Variants in PCDHA2 observed in about 807,000 individuals in gnomAD.
PCDHA2 encodes the protein protocadherin alpha 2, also known as protocadherin alpha-2.
PCDHA2 carries 58 observed loss-of-function variants against 66.0 expected under a neutral mutation model. That is an observed-to-expected ratio of 0.88 (90% CI 0.71 to 1.09). The LOEUF is 1.09. PCDHA2 is among the 50% of genes least tolerant of loss of function. The probability of loss-of-function intolerance (pLI) is 0.00; values close to 1 mark genes in which losing one functional copy is unlikely to be tolerated. For missense variants in PCDHA2, 1,267 were observed against 1,242.3 expected (o/e 1.02, Z -0.30); for synonymous variants, 634 against 554.0 (o/e 1.14, Z -2.03).
Position 140,883,713 on chromosome 5 carries a change from C to G in PCDHA2, c.2388+86361C>G, listed in dbSNP as rs782438050. ...ATCTTCACGGTGTCTGCTCAGGACG[C>G]GGACGCACAGGAGAACGCGCTGGTC... On this transcript the variant is annotated intron_variant, in intron 1 of 3. Coordinates refer to ENST00000526136, the MANE Select transcript of PCDHA2 (RefSeq NM_018905.3). 2.5e-6 allele frequency: 4 copies of G among 1,613,520 alleles called. No homozygotes were observed. The East Asian group carries it at 8.9e-5, about 36-fold the overall frequency.
chr5:140,846,306 A>G (rs1444661370), intron 1 of PCDHA2, among the ~76,000 whole-genome samples: 4 of 147,710 alleles, frequency 2.7e-5, no homozygotes, highest in South Asian at 4.3e-4. Context: ...TAAGTAAACC[A>G]TTTATGTAGA....
intron 1 of PCDHA2, among the ~76,000 whole-genome samples, chr5:140,819,268 A>C (rs1554127630): frequency 1.3e-5 from 2 of 152,162 alleles, no homozygotes; most frequent in Non-Finnish European, 2.9e-5. Context: ...TATAATTTCT[A>C]TAGATAAGAG....
chr5:140,858,415 T>C lies in PCDHA2; in HGVS notation c.2388+61063T>C. Reference sequence around the variant, plus strand: ...ATGTGGACGGGGAAGATCAGTCTATTGGAGGGGACCACTCTAGGAAGGTGG... The same window carrying C: ...ATGTGGACGGGGAAGATCAGTCTATCGGAGGGGACCACTCTAGGAAGGTGG... On this transcript the variant is annotated intron_variant, in intron 1 of 3. Transcript: ENST00000526136. 1.9e-6 allele frequency: 3 copies of C among 1,561,830 alleles called. 1 individual carries two copies. The highest frequency in any genetic ancestry group is 2.6e-6 in the Non-Finnish European group (3 of 1,145,536).
chr5:140,969,508 A>C, intron 1 of PCDHA2: 2 of 1,424,370 alleles, frequency 1.4e-6, no homozygotes, highest in South Asian at 1.5e-5. Context: ...GAAAAATAGC[A>C]CTAAAGAATT....
At position 140,857,686 on chromosome 5, in the gene PCDHA2, C is replaced by A; in HGVS notation, c.2388+60334C>A. The A allele has an allele frequency of 3.8e-6, 6 of 1,597,184 alleles. 1 individual carries two copies. Among genetic ancestry groups the A allele is most frequent in the Non-Finnish European group, 5.1e-6 (6 of 1,167,762 alleles). ...ATGGGGGCGTGCCGCCTCTGGGCAG[C>A]AACTTGACGCTGCAGGTGTTCGTGC... On this transcript the variant is annotated intron_variant, in intron 1 of 3. Transcript: ENST00000526136.
intron 1 of PCDHA2, chr5:140,864,601 A>C (rs2048532983): frequency 6.6e-6 from 1 of 152,200 alleles, no homozygotes; most frequent in Non-Finnish European, 1.5e-5. Context: ...TCAGATAGCC[A>C]ACAACTTTGT....
chr5:140,876,312 G>C (rs557901977), intron 1 of PCDHA2: 1 of 1,614,036 alleles, frequency 6.2e-7, no homozygotes. Context: ...TTTCCTATGG[G>C]ATCAAAATGA....
chr5:140,987,040 C>G (rs916995346), intron 3 of PCDHA2, among the ~76,000 whole-genome samples: 1 of 151,880 alleles, frequency 6.6e-6, no homozygotes, highest in Non-Finnish European at 1.5e-5. Flanking sequence ...ATGGCGAAAC[C>G]CCATCTCTAC....
intron 1 of PCDHA2, among the ~76,000 whole-genome samples, chr5:140,886,184 G>T (rs894479887): frequency 6.6e-6 from 1 of 151,966 alleles, no homozygotes; most frequent in Admixed American, 6.6e-5. Flanking sequence ...GCCTAATGCT[G>T]GCAAGCAGTA....
At chr5:140,907,938 T>C (rs2073706734) in intron 1 of PCDHA2, among the ~76,000 whole-genome samples, 1 of 152,206 alleles carries the variant, frequency 6.6e-6, no homozygotes, top group African/African-American at 2.4e-5. Flanking sequence ...TCACATACCT[T>C]TTCCCCAAAT....
chr5:140,966,916 G>A lies in PCDHA2; in HGVS notation c.2389-12033G>A, dbSNP rs1554228883. On this transcript the variant is annotated intron_variant, in intron 1 of 3. Coordinates refer to ENST00000526136, the MANE Select transcript of PCDHA2 (RefSeq NM_018905.3). Reference sequence around the variant, plus strand: ...CCCAGCTGCGATACTCTGTGCCAGAGGAGCAGGCACCCGGCGCGCTCGTGG... The same window carrying A: ...CCCAGCTGCGATACTCTGTGCCAGAAGAGCAGGCACCCGGCGCGCTCGTGG... 13 of 1,602,486 alleles carry A rather than the reference G, an allele frequency of 8.1e-6. No individual in the cohort carries two copies. In the South Asian group the frequency reaches 1.4e-4, roughly 18 times the overall value.
At position 141,011,460 on chromosome 5, in the gene PCDHA2, T is replaced by G. The variant is rs1285322141; in HGVS notation, c.*1523T>G. 6.5e-6 allele frequency: 1 copy of G among 153,832 alleles called. No homozygotes were observed. The highest frequency in any genetic ancestry group is 2.4e-5 in the African/African-American group (1 of 41,470). 9.5% of individuals were successfully genotyped at this position (153,832 alleles called of 1,614,324 possible). On this transcript the variant is annotated 3_prime_UTR_variant, in exon 4 of 4. Coordinates refer to ENST00000526136, the MANE Select transcript of PCDHA2 (RefSeq NM_018905.3). The stretch of plus-strand genomic sequence containing the variant: ...TAGAGTGAACTTTAAGCTTTATTGT[T>G]GAATGTAATTCCATTATATTTCCTT...
chr5:140,882,020 C>CA, intron 1 of PCDHA2: 1 of 561,726 alleles, frequency 1.8e-6, no homozygotes, highest in East Asian at 3.1e-5. Context: ...AATACTACAT[C>CA]AATGGAAAAT....
chr5:140,841,666 G>A, intron 1 of PCDHA2: 1 of 1,613,974 alleles, frequency 6.2e-7, no homozygotes, highest in Non-Finnish European at 8.5e-7. Flanking sequence ...GGCCGCTGCA[G>A]GTTTTCCATG....
At chr5:140,802,663 T>C (rs1328452691) in intron 1 of PCDHA2, 3 of 1,613,528 alleles carry the variant, frequency 1.9e-6, no homozygotes, top group Non-Finnish European at 2.5e-6. Context: ...GAGAACGCCC[T>C]GGTGTCCTAC....
intron 1 of PCDHA2, among the ~76,000 whole-genome samples, chr5:140,904,227 C>G (rs1373458999): frequency 2.6e-5 from 4 of 151,978 alleles, no homozygotes; most frequent in Middle Eastern, 3.2e-3. Context: ...TTGTATTATA[C>G]TTATGCCTTT....
intron 1 of PCDHA2, chr5:140,842,520 C>T (rs2150337946): frequency 6.2e-7 from 1 of 1,613,528 alleles, no homozygotes; most frequent in East Asian, 2.2e-5. Context: ...CTGGTGTCCA[C>T]CTTCAAGAAT....
intron 1 of PCDHA2, chr5:140,884,351 G>A: frequency 6.2e-7 from 1 of 1,613,946 alleles, no homozygotes; most frequent in Non-Finnish European, 8.5e-7. Context: ...GGCGCTGGTG[G>A]ATGTCAATGT....
chr5:140,806,081 A>G (rs1763681321), intron 1 of PCDHA2, among the ~76,000 whole-genome samples: 1 of 152,236 alleles, frequency 6.6e-6, no homozygotes, highest in Admixed American at 6.5e-5. Context: ...CAGTTTGTAA[A>G]AGAAGAAAAA....
Sources: gnomAD v4.1 joint callset for allele counts (sites outside exome capture counted in the v4.1 genomes callset) on GRCh38, gnomAD v4.1.1 for gene constraint, MANE v1.5 for transcripts, NCBI Gene and HGNC (gene_info 2026-07-23, HGNC 2026-07-21) for gene names.